Variants in ZNF565 observed in about 807,000 individuals in gnomAD.
ZNF565 encodes the protein zinc finger protein 565.
Under a neutral mutation model 39.4 loss-of-function variants are expected in ZNF565, and 27 were observed. The observed-to-expected ratio is 0.69, with a 90% CI of 0.51 to 0.95. The LOEUF is 0.95. ZNF565 is among the 40% of genes least tolerant of loss of function. The pLI, the probability that ZNF565 is intolerant of heterozygous loss-of-function variation, is 0.00. For synonymous variants in ZNF565, 185 were observed against 216.6 expected, an observed-to-expected ratio of 0.85 and a Z score of 1.28; for missense variants, 524 against 621.1, an observed-to-expected ratio of 0.84 and a Z score of 1.66.
At chr19:36,201,816 G>A (rs1021008483) in intron 2 of ZNF565, among the ~76,000 whole-genome samples, 161 bp downstream of exon 2, 2 of 152,122 alleles carry the variant, frequency 1.3e-5, no homozygotes, top group African/African-American at 4.8e-5. Context: ...GACAGTGCTG[G>A]AGAGGAGAGG....
intron 1 of ZNF565, among the ~76,000 whole-genome samples, chr19:36,224,274 C>T (rs1466142317): frequency 1.3e-5 from 2 of 152,068 alleles, no homozygotes; most frequent in African/African-American, 2.4e-5. Context: ...CCCAGCTATT[C>T]GGAGGCTGAG....
chr19:36,231,276 C>T lies in ZNF565; in HGVS notation c.55+14200G>A, dbSNP rs181549835. On this transcript the variant is annotated intron_variant, in intron 1 of 4. Transcript: ENST00000355114. Reference sequence around the variant, plus strand: ...CCAGGTTGGAGTGCGGTGGTGCCATCGTGGCTCACCGCAGCCTCTGCCTCC... The same window carrying T: ...CCAGGTTGGAGTGCGGTGGTGCCATTGTGGCTCACCGCAGCCTCTGCCTCC... 8.3e-4 allele frequency among the ~76,000 whole-genome samples: 127 copies of T among 152,196 alleles called. 1 individual carries two copies. Among genetic ancestry groups the T allele is most frequent in the African/African-American group, 2.8e-3 (117 of 41,530 alleles).
intron 1 of ZNF565, among the ~76,000 whole-genome samples, chr19:36,209,271 C>T (rs1369991204): frequency 1.3e-5 from 2 of 152,086 alleles, no homozygotes; most frequent in African/African-American, 4.8e-5. Context: ...TGGCTCACAC[C>T]TACAATCCCA....
intron 4 of ZNF565, among the ~76,000 whole-genome samples, chr19:36,191,583 A>G (rs1357858467): frequency 1.3e-5 from 2 of 152,144 alleles, no homozygotes; most frequent in Admixed American, 6.6e-5. Context: ...AAGCTTAACG[A>G]GTTTTCAAGG....
At chr19:36,214,242 G>A (rs1976491524) in intron 1 of ZNF565, among the ~76,000 whole-genome samples, 1 of 151,968 alleles carries the variant, frequency 6.6e-6, no homozygotes, top group African/African-American at 2.4e-5. Context: ...CGGCCACAGT[G>A]TCACACAACC....
chr19:36,213,965 C>T (rs74566060), intron 1 of ZNF565, among the ~76,000 whole-genome samples: 3,844 of 152,026 alleles, frequency 0.025, 173 homozygotes, highest in African/African-American at 0.084. Flanking sequence ...CCCCACACAC[C>T]AACACCCACA....
At chr19:36,188,344 G>A (rs1220568744) in intron 4 of ZNF565, among the ~76,000 whole-genome samples, 1 of 151,162 alleles carries the variant, frequency 6.6e-6, no homozygotes, top group Non-Finnish European at 1.5e-5. Context: ...GACAAAGTGA[G>A]ACTCAAGGGC....
intron 1 of ZNF565, among the ~76,000 whole-genome samples, chr19:36,214,065 A>C (rs1032859160): frequency 6.6e-6 from 1 of 151,644 alleles, no homozygotes; most frequent in Non-Finnish European, 1.5e-5. Context: ...CTGAACTTTC[A>C]CTGTGGACAT....
intron 1 of ZNF565, among the ~76,000 whole-genome samples, chr19:36,205,759 A>G (rs920433622): frequency 1.3e-5 from 2 of 151,766 alleles, no homozygotes; most frequent in African/African-American, 2.4e-5. Flanking sequence ...CATTGGCAGC[A>G]GAAAAGAGGA....
intron 1 of ZNF565, among the ~76,000 whole-genome samples, chr19:36,227,769 T>C (rs1441520542): frequency 1.3e-5 from 2 of 152,148 alleles, no homozygotes; most frequent in Admixed American, 6.5e-5. Context: ...CCCAGCCTGG[T>C]CTTGAACTCC....
At chr19:36,200,765 G>A (rs1975931992) in intron 2 of ZNF565, among the ~76,000 whole-genome samples, 1 of 151,502 alleles carries the variant, frequency 6.6e-6, no homozygotes, top group South Asian at 2.1e-4. Flanking sequence ...GGGATTACAG[G>A]CAGGAGCCAC....
chr19:36,187,752 C>T (rs982455881), intron 4 of ZNF565, among the ~76,000 whole-genome samples: 7 of 151,876 alleles, frequency 4.6e-5, no homozygotes, highest in Admixed American at 1.3e-4. Flanking sequence ...ATTCTCCTGC[C>T]TCAGCCTCCC....
At chr19:36,192,744 T>G (rs1200360695) in intron 4 of ZNF565, among the ~76,000 whole-genome samples, 1 of 151,714 alleles carries the variant, frequency 6.6e-6, no homozygotes, top group Non-Finnish European at 1.5e-5. Flanking sequence ...TCAAGTGATC[T>G]TCCCACCTTG....
upstream of ZNF565, among the ~76,000 whole-genome samples, chr19:36,218,599 G>A (rs899667486): frequency 6.6e-6 from 1 of 151,418 alleles, no homozygotes; most frequent in Admixed American, 6.6e-5. Flanking sequence ...CTGAGTAGCT[G>A]GGACTACAGG....
intron 1 of ZNF565, among the ~76,000 whole-genome samples, chr19:36,223,587 TCTC>T (rs1285757905): frequency 6.6e-6 from 1 of 151,894 alleles, no homozygotes; most frequent in African/African-American, 2.4e-5. Flanking sequence ...ATGGTCTCGA[TCTC>T]CTGACCTCGT....
At chr19:36,202,402 AC>A (rs1442829379) in intron 1 of ZNF565, among the ~76,000 whole-genome samples, 45 of 14,492 alleles carry the variant, frequency 3.1e-3, no homozygotes, top group Middle Eastern at 0.062. Context: ...AACAACAACA[AC>A]AACAAAAAAA....
At chr19:36,201,125 G>C (rs1166847766) in intron 2 of ZNF565, among the ~76,000 whole-genome samples, 1 of 152,116 alleles carries the variant, frequency 6.6e-6, no homozygotes, top group Non-Finnish European at 1.5e-5. Flanking sequence ...AACACAGTGA[G>C]ACCTGGTCTC....
At chr19:36,235,217 A>AAAG (rs75304604) in intron 1 of ZNF565, among the ~76,000 whole-genome samples, 27 of 118,082 alleles carry the variant, frequency 2.3e-4, no homozygotes, top group African/African-American at 4.7e-4. Context: ...CAAAAAAAAA[A>AAAG]AAAGAAGAAA....
chr19:36,182,306 ATTTAT>A lies in ZNF565; in HGVS notation c.*155_*159del, dbSNP rs1975114074. 5.7e-6 allele frequency: 3 copies of A among 529,784 alleles called. No individual in the cohort carries two copies. The highest frequency in any genetic ancestry group is 9.2e-6 in the Non-Finnish European group (3 of 327,408). The allele number at this position is 529,784 out of a possible 1,614,324, so 32.8% of individuals were successfully genotyped here. ...TGAGTGAGGCAAAAAGAATTCCCACATTTATTTAATTTTCTTTGGGTGTGAGTTTT... is the reference window on the plus strand; with the variant it reads ...TGAGTGAGGCAAAAAGAATTCCCACATTAATTTTCTTTGGGTGTGAGTTTT... On this transcript the variant is annotated 3_prime_UTR_variant, in exon 5 of 5. Coordinates refer to ENST00000304116, the MANE Select transcript of ZNF565 (RefSeq NM_152477.5).
Sources: allele counts gnomAD v4.1 joint callset (sites outside exome capture counted in the v4.1 genomes callset), GRCh38; gene constraint gnomAD v4.1.1; transcripts MANE v1.5; gene names NCBI Gene and HGNC (gene_info 2026-07-23, HGNC 2026-07-21).